KDM2B: variants seen among roughly 807,000 people sequenced by gnomAD.
KDM2B encodes lysine-specific demethylase 2B.
In KDM2B, 26 loss-of-function variants were observed where a neutral mutation model predicts 150.0. That is an observed-to-expected ratio of 0.17 (90% CI 0.13 to 0.24). The LOEUF (loss-of-function observed/expected upper bound fraction) is 0.24, where lower values mean the gene tolerates loss of function less well. KDM2B is among the 10% of genes least tolerant of loss of function. KDM2B has a pLI of 1.00. For missense variants in KDM2B, 1,265 were observed against 1,816.9 expected (o/e 0.70, Z 5.52); for synonymous variants, 734 against 729.5 (o/e 1.01, Z -0.10).
chr12:121,419,285 G>T, the KDM2B span, among the ~76,000 whole-genome samples: 1 of 152,220 alleles, frequency 6.6e-6, no homozygotes, highest in African/African-American at 2.4e-5. Flanking sequence ...TATAGCCTAG[G>T]TGTGTAGCAG....
the KDM2B span, chr12:121,416,028 T>C: frequency 1.1e-5 from 7 of 646,384 alleles, no homozygotes; most frequent in African/African-American, 1.8e-5. Context: ...GAAATTTCAG[T>C]GCCCAGAGGA....
intron 13 of KDM2B, among the ~76,000 whole-genome samples, chr12:121,448,674 G>C (rs1876714210): frequency 6.6e-6 from 1 of 152,122 alleles, no homozygotes; most frequent in African/African-American, 2.4e-5. Flanking sequence ...AAGTGAAAAA[G>C]ACTTGATTAA....
At chr12:121,558,934 C>T (rs1383128966) in intron 4 of KDM2B, among the ~76,000 whole-genome samples, 4 of 152,172 alleles carry the variant, frequency 2.6e-5, no homozygotes, top group Non-Finnish European at 5.9e-5. Flanking sequence ...CCATCGCCGC[C>T]CTCCCCAGCA....
At chr12:121,481,124 T>A (rs373535678) in intron 12 of KDM2B, among the ~76,000 whole-genome samples, 15 of 151,828 alleles carry the variant, frequency 9.9e-5, no homozygotes, top group African/African-American at 3.1e-4. Flanking sequence ...AGAGACAGGG[T>A]TTCACCATGT....
chr12:121,463,269 T>C (rs942592353), intron 12 of KDM2B, among the ~76,000 whole-genome samples: 19 of 151,384 alleles, frequency 1.3e-4, no homozygotes, highest in African/African-American at 4.6e-4. Context: ...TGAGCTGAGA[T>C]CGCGTCACTG....
intron 12 of KDM2B, among the ~76,000 whole-genome samples, chr12:121,487,985 G>C (rs1293613341): frequency 6.6e-6 from 1 of 151,950 alleles, no homozygotes; most frequent in African/African-American, 2.4e-5. Flanking sequence ...GTTTCACCAT[G>C]TTGGCCAGGC....
At chr12:121,551,587 C>T (rs1057157552) in intron 4 of KDM2B, among the ~76,000 whole-genome samples, 3 of 152,160 alleles carry the variant, frequency 2.0e-5, no homozygotes, top group African/African-American at 4.8e-5. Context: ...AAGTCTCGCT[C>T]TGTCGCCCAG....
chr12:121,412,750 A>C, the KDM2B span, among the ~76,000 whole-genome samples: 1 of 120,270 alleles, frequency 8.3e-6, no homozygotes, highest in Non-Finnish European at 1.7e-5. Flanking sequence ...TTTGAGATGG[A>C]GTCTCGCTGT....
At chr12:121,499,899 A>G (rs782471550) in intron 11 of KDM2B, among the ~76,000 whole-genome samples, 4 of 152,050 alleles carry the variant, frequency 2.6e-5, no homozygotes, top group Non-Finnish European at 5.9e-5. Flanking sequence ...CAGTGAGCCA[A>G]GATCGCACCA....
rs1886705243 is a variant in KDM2B at position 121,521,749 on chromosome 12, G to A, written c.932-649C>T. Among the ~76,000 whole-genome samples the A allele has an allele frequency of 6.6e-6, 1 of 152,058 alleles. No homozygotes were observed. ...TCTCTCCTGCAGCTTCTCACAGCTG[G>A]GAGCCGCAGTTTTTCATCTCTCCAA... is the stretch of plus-strand genomic sequence containing the variant. On this transcript the variant is annotated intron_variant, in intron 8 of 22. Transcript: ENST00000377071. This position sits in a 1 kb window ranked among gnomAD's most constrained non-coding sequence, Gnocchi z 4.9.
At chr12:121,568,734 T>C (rs1021343830) in intron 4 of KDM2B, among the ~76,000 whole-genome samples, 1 of 152,090 alleles carries the variant, frequency 6.6e-6, no homozygotes, top group Non-Finnish European at 1.5e-5. Context: ...GTTACCCTGA[T>C]GTGTTCAGTT....
Position 121,439,912 on chromosome 12 carries a change from C to T in KDM2B, c.3774G>A (p.Leu1258=). The T allele has an allele frequency of 1.9e-6, 3 of 1,614,182 alleles. No individual in the cohort carries two copies. Among genetic ancestry groups the T allele is most frequent in the Non-Finnish European group, 2.5e-6 (3 of 1,180,030 alleles). ...CNHVTDQSIN[L]LTAVGTTTRD... is the part of the protein sequence containing the mutation. The stretch of plus-strand genomic sequence containing the variant: ...GGGTGGTGGTGCCAACAGCAGTGAG[C>T]AGGTTGATAGACTGGTCGGTGACGT... Residue 1258 remains leucine, a synonymous_variant, in exon 22 of 23, where the codon CTG becomes CTA. Transcript: ENST00000377071.
chr12:121,526,017 GC>G (rs1230685100), intron 8 of KDM2B, among the ~76,000 whole-genome samples: 1 of 152,072 alleles, frequency 6.6e-6, no homozygotes, highest in East Asian at 1.9e-4. Flanking sequence ...CCCCTCCAAG[GC>G]CCCCCACATC....
chr12:121,458,234 AGTGT>A (rs1878562659), intron 12 of KDM2B, among the ~76,000 whole-genome samples: 2 of 151,910 alleles, frequency 1.3e-5, no homozygotes, highest in African/African-American at 4.8e-5. Flanking sequence ...AGACTAGCTG[AGTGT>A]GCTGTCACAC....
rs1887858168 is a variant in KDM2B at position 121,533,797 on chromosome 12, A to C, written c.777+700T>G. Among the ~76,000 whole-genome samples, 1 of 152,034 alleles carries C rather than the reference A, an allele frequency of 6.6e-6. No homozygotes were observed. On this transcript the variant is annotated intron_variant, in intron 7 of 22. Transcript: ENST00000377071. This position sits in a 1 kb window ranked among gnomAD's most constrained non-coding sequence, Gnocchi z 4.1. ...GGCTGAACTTGACCTTGCCCTCCAG[A>C]AGGAGGAGGTGGTTCTAGGGAAAGA...
chr12:121,548,935 C>G lies in KDM2B; in HGVS notation c.625G>C (p.Glu209Gln), dbSNP rs782037243. Residue 209 changes from glutamate (E) to glutamine (Q), a missense_variant, in exon 6 of 23, where the codon GAG becomes CAG. Physicochemically the swap from Glu to Gln is conservative, Grantham distance 29. Around this residue, in one of 11 missense-constraint regions of KDM2B, gnomAD observed 214 missense variants for 447.4 expected, o/e 0.48. Coordinates refer to ENST00000377071, the MANE Select transcript of KDM2B (RefSeq NM_032590.5). The stretch of plus-strand genomic sequence containing the variant: ...GCGTTCGTGGCTTCTGTCTGCTTCT[C>G]CTTCAGATGCTGGGGCCACATGTTG... ...VDNMWPQHLKEKQTEATNAIA... is the reference protein window; with the variant it reads ...VDNMWPQHLKQKQTEATNAIA... The G allele has an allele frequency of 6.2e-7, 1 of 1,614,230 alleles. No individual in the cohort carries two copies. The highest frequency in any genetic ancestry group is 1.1e-5 in the South Asian group (1 of 91,088).
intron 6 of KDM2B, among the ~76,000 whole-genome samples, chr12:121,548,417 G>C (rs1566404380): frequency 6.6e-6 from 1 of 152,176 alleles, no homozygotes; most frequent in Non-Finnish European, 1.5e-5. Flanking sequence ...TGAGCTTCAA[G>C]GTCTCAACAC....
At position 121,453,083 on chromosome 12, in the gene KDM2B, T is replaced by G; in HGVS notation, c.1959+37A>C. ...ACACGCGGGCCGGCACGCAGGGGCC[T>G]GAATCGAGCGCAGGGCTGGGCGGGG... On this transcript the variant is annotated intron_variant, in intron 13 of 22. Coordinates refer to ENST00000377071, the MANE Select transcript of KDM2B (RefSeq NM_032590.5). This position sits in a 1 kb window ranked among gnomAD's most constrained non-coding sequence, Gnocchi z 6.4. The G allele has an allele frequency of 6.5e-7, 1 of 1,548,082 alleles. No homozygotes were observed. The highest frequency in any genetic ancestry group is 1.2e-5 in the South Asian group (1 of 84,216).
chr12:121,572,822 ATTTTTTTTTTT>A (rs33946368), intron 4 of KDM2B, among the ~76,000 whole-genome samples: 1 of 100,202 alleles, frequency 1.0e-5, no homozygotes, highest in African/African-American at 3.8e-5. Context: ...ACCTGGATAA[ATTTTTTTTTTT>A]TTTTTTTTTT....
Sources: allele counts gnomAD v4.1 joint callset (sites outside exome capture counted in the v4.1 genomes callset), GRCh38; gene constraint gnomAD v4.1.1; regional missense constraint gnomAD v4.1.1; non-coding constraint Gnocchi (gnomAD v3.1); transcripts MANE v1.5; gene names NCBI Gene and HGNC (gene_info 2026-07-23, HGNC 2026-07-21).